ADAMTSL1: variants seen among roughly 807,000 people sequenced by gnomAD.
The protein encoded by ADAMTSL1 is ADAMTS like 1, also known as ADAMTS-like protein 1.
Under a neutral mutation model 201.8 loss-of-function variants are expected in ADAMTSL1, and 126 were observed. The ratio of observed to expected loss-of-function variants is 0.62; its 90% confidence interval spans 0.54 to 0.72. ADAMTSL1 has a LOEUF of 0.72. Among genes scored for constraint, ADAMTSL1 ranks in the 30% least tolerant of loss-of-function variants. ADAMTSL1 has a pLI of 0.00. For missense variants in ADAMTSL1, 2,679 were observed against 2,277.8 expected, an observed-to-expected ratio of 1.18 and a Z score of -3.59; for synonymous variants, 1,121 against 903.4, an observed-to-expected ratio of 1.24 and a Z score of -4.32.
intron 1 of ADAMTSL1, among the ~76,000 whole-genome samples, chr9:18,115,955 T>C (rs528351042): frequency 2.0e-5 from 3 of 152,286 alleles, no homozygotes; most frequent in African/African-American, 7.2e-5. Context: ...TGTCATGTGA[T>C]AGCTTCTGCT....
intron 1 of ADAMTSL1, 34 bp from the exon 2 acceptor site, chr9:18,504,795 G>T (rs370805538): frequency 5.0e-5 from 81 of 1,614,040 alleles, no homozygotes; most frequent in Admixed American, 6.7e-5. Context: ...TTCCATGGGG[G>T]ATATGATGCT....
chr9:18,617,755 G>C (rs1262005490), intron 4 of ADAMTSL1, among the ~76,000 whole-genome samples: 1 of 152,090 alleles, frequency 6.6e-6, no homozygotes, highest in Non-Finnish European at 1.5e-5. Flanking sequence ...GTAAGTTTCA[G>C]GGTGCTATTT....
At chr9:18,759,369 A>G (rs943532822) in intron 16 of ADAMTSL1, among the ~76,000 whole-genome samples, 2 of 152,220 alleles carry the variant, frequency 1.3e-5, no homozygotes, top group East Asian at 3.8e-4. Flanking sequence ...CATTTTCTAG[A>G]TTTAAACATA....
intron 21 of ADAMTSL1, among the ~76,000 whole-genome samples, chr9:18,819,603 C>T (rs1824084780): frequency 6.6e-6 from 1 of 152,180 alleles, no homozygotes; most frequent in Non-Finnish European, 1.5e-5. Flanking sequence ...CTCTATTGTG[C>T]CGCCTAGGGC....
chr9:18,578,227 G>T (rs1275028032), intron 4 of ADAMTSL1, among the ~76,000 whole-genome samples: 1 of 152,106 alleles, frequency 6.6e-6, no homozygotes, highest in Non-Finnish European at 1.5e-5. Context: ...CTGAGATTTT[G>T]TCTAGCTGTA....
In ADAMTSL1 at chr9:18,908,769, G is replaced by A; in HGVS notation, c.*221G>A. ...CAGGATGTTGGGAAAGGAAAGGACA[G>A]ATGTCTAAAGGAGGTTGCAGAGCAG... On this transcript the variant is annotated 3_prime_UTR_variant, in exon 29 of 29. Coordinates refer to ENST00000380548, the MANE Select transcript of ADAMTSL1 (RefSeq NM_001040272.6). The A allele has an allele frequency of 4.0e-6, 2 of 495,216 alleles. No individual in the cohort carries two copies. The highest frequency in any genetic ancestry group is 3.7e-6 in the Non-Finnish European group (1 of 273,748). The allele number at this position is 495,216 out of a possible 1,614,324, so 30.7% of individuals were successfully genotyped here. A position where few individuals can be genotyped will look rare whatever the true frequency, so the allele number is the denominator to read the frequency against.
chr9:18,020,206 G>A (rs749280008), intron 1 of ADAMTSL1, among the ~76,000 whole-genome samples: 10 of 152,012 alleles, frequency 6.6e-5, no homozygotes, highest in Non-Finnish European at 1.3e-4. Flanking sequence ...AATCATTGGG[G>A]GTTGGGGAGG....
chr9:18,653,662 A>C (rs933515871), intron 7 of ADAMTSL1, among the ~76,000 whole-genome samples: 1 of 151,914 alleles, frequency 6.6e-6, no homozygotes, highest in Non-Finnish European at 1.5e-5. Context: ...CTATGGGCTG[A>C]ACTGCACTAT....
At chr9:18,213,317 A>G (rs1013797203) in intron 2 of ADAMTSL1, among the ~76,000 whole-genome samples, 3 of 152,182 alleles carry the variant, frequency 2.0e-5, no homozygotes, top group African/African-American at 7.2e-5. Context: ...ATTCATTGGA[A>G]CTGTGATGAT....
chr9:18,578,884 G>A (rs1218078226), intron 4 of ADAMTSL1, among the ~76,000 whole-genome samples: 1 of 150,902 alleles, frequency 6.6e-6, no homozygotes, highest in East Asian at 1.9e-4. Context: ...ATCCTCTCCA[G>A]CACCTGTTGT....
At chr9:18,683,508 G>T (rs538814637) in intron 12 of ADAMTSL1, among the ~76,000 whole-genome samples, 15 of 152,168 alleles carry the variant, frequency 9.9e-5, no homozygotes, top group African/African-American at 3.6e-4. Flanking sequence ...GATTACAGGC[G>T]TGAGCCTCCA....
intron 2 of ADAMTSL1, among the ~76,000 whole-genome samples, chr9:18,461,409 A>AAT (rs1820802048): frequency 6.6e-6 from 1 of 152,086 alleles, no homozygotes; most frequent in Middle Eastern, 3.2e-3. Context: ...ACATGTTTGA[A>AAT]ATATATATAC....
At chr9:17,958,896 T>C (rs1588478021) in intron 1 of ADAMTSL1, among the ~76,000 whole-genome samples, 1 of 152,166 alleles carries the variant, frequency 6.6e-6, no homozygotes, top group South Asian at 2.1e-4. Context: ...ATCCATGTCA[T>C]TTGGGTATTA....
chr9:18,309,850 A>T (rs541464804), intron 2 of ADAMTSL1, among the ~76,000 whole-genome samples: 1 of 152,132 alleles, frequency 6.6e-6, no homozygotes, highest in African/African-American at 2.4e-5. Context: ...CAAATTTCAT[A>T]TGGAACCAAA....
intron 2 of ADAMTSL1, among the ~76,000 whole-genome samples, chr9:18,197,616 C>T (rs550159810): frequency 2.7e-5 from 4 of 148,140 alleles, no homozygotes; most frequent in South Asian, 2.2e-4. Context: ...ACAATCATGT[C>T]GTCTGCAAAC....
chr9:18,359,053 A>T (rs1410153539), intron 2 of ADAMTSL1, among the ~76,000 whole-genome samples: 2 of 152,224 alleles, frequency 1.3e-5, no homozygotes, highest in Non-Finnish European at 2.9e-5. Flanking sequence ...CTACAAGCAG[A>T]TATACTGCCA....
chr9:18,046,033 A>G (rs60056897), intron 1 of ADAMTSL1, among the ~76,000 whole-genome samples: 4,812 of 152,284 alleles, frequency 0.032, 120 homozygotes, highest in African/African-American at 0.078. Flanking sequence ...CCATTGTGGA[A>G]AGAATTGTCT....
chr9:18,652,378 A>G (rs1040233563), intron 7 of ADAMTSL1, among the ~76,000 whole-genome samples: 7 of 151,346 alleles, frequency 4.6e-5, no homozygotes, highest in Non-Finnish European at 1.0e-4. Context: ...AAAAAAAAAA[A>G]AAAAAGGAAA....
At chr9:18,770,945 C>T (rs16937047) in intron 17 of ADAMTSL1, among the ~76,000 whole-genome samples, 164 bp downstream of exon 17, 16,727 of 152,164 alleles carry the variant, frequency 0.11, 1,220 homozygotes, top group East Asian at 0.27. Flanking sequence ...TAGCTTTTAA[C>T]GAGGCTGCAG....
Sources: allele counts gnomAD v4.1 joint callset (sites outside exome capture counted in the v4.1 genomes callset), GRCh38; gene constraint gnomAD v4.1.1; transcripts MANE v1.5; gene names NCBI Gene and HGNC (gene_info 2026-07-23, HGNC 2026-07-21).